COL4A2: variants seen among roughly 807,000 people sequenced by gnomAD.
The protein encoded by COL4A2 is collagen alpha-2(IV) chain.
A neutral mutation model predicts 200.2 loss-of-function variants in COL4A2; 99 were observed. The observed-to-expected ratio is 0.49, with a 90% CI of 0.42 to 0.58. COL4A2 has a LOEUF of 0.58. Ranked by LOEUF, COL4A2 falls within the 20% of genes least tolerant of loss-of-function variation. The pLI, the probability that COL4A2 is intolerant of heterozygous loss-of-function variation, is 0.00. For synonymous variants in COL4A2, 897 were observed against 900.6 expected, an observed-to-expected ratio of 1.00 and a Z score of 0.07; for missense variants, 1,950 against 2,314.1, an observed-to-expected ratio of 0.84 and a Z score of 3.23.
chr13:110,427,112 A>G (rs369324324), intron 6 of COL4A2, among the ~76,000 whole-genome samples: 2 of 152,178 alleles, frequency 1.3e-5, no homozygotes, highest in African/African-American at 4.8e-5. Context: ...ACGGAGAACT[A>G]TATGTAGGAT....
intron 4 of COL4A2, among the ~76,000 whole-genome samples, chr13:110,396,593 T>C (rs1392293075): frequency 1.3e-5 from 2 of 152,338 alleles, no homozygotes; most frequent in African/African-American, 4.8e-5. Context: ...ACATGCCTTC[T>C]TGGCCCTTTG....
At chr13:110,365,211 G>A (rs973817198) in intron 4 of COL4A2, among the ~76,000 whole-genome samples, 2 of 151,956 alleles carry the variant, frequency 1.3e-5, no homozygotes, top group East Asian at 3.9e-4. Context: ...GCGCCACCTC[G>A]GGTCACTGCA....
intron 4 of COL4A2, among the ~76,000 whole-genome samples, chr13:110,403,008 C>T (rs1318935043): frequency 6.6e-6 from 1 of 152,222 alleles, no homozygotes; most frequent in African/African-American, 2.4e-5. Flanking sequence ...TTGCAGGGAG[C>T]AGAGACTTGA....
At chr13:110,409,290 C>G (rs369813415) in intron 4 of COL4A2, among the ~76,000 whole-genome samples, 5 of 152,216 alleles carry the variant, frequency 3.3e-5, no homozygotes, top group South Asian at 2.1e-4. Flanking sequence ...TATTACGAAG[C>G]TGACCACCCA....
intron 3 of COL4A2, among the ~76,000 whole-genome samples, chr13:110,342,032 G>A (rs1876477382): frequency 6.6e-6 from 1 of 152,186 alleles, no homozygotes; most frequent in Non-Finnish European, 1.5e-5. Flanking sequence ...TCATAGTGAC[G>A]AACAGAGAAT....
chr13:110,384,526 A>G (rs1878608472), intron 4 of COL4A2, among the ~76,000 whole-genome samples: 1 of 152,104 alleles, frequency 6.6e-6, no homozygotes, highest in Non-Finnish European at 1.5e-5. Flanking sequence ...CTCCTCCAAC[A>G]AGGCCACCGT....
At chr13:110,361,717 C>T (rs901312813) in intron 4 of COL4A2, among the ~76,000 whole-genome samples, 4 of 152,202 alleles carry the variant, frequency 2.6e-5, no homozygotes, top group Admixed American at 2.0e-4. Flanking sequence ...ACTCTCCCAG[C>T]AGGGAGAGAA....
chr13:110,436,966 G>A lies in COL4A2; in HGVS notation c.825+599G>A, dbSNP rs541684527. 2.6e-4 allele frequency among the ~76,000 whole-genome samples: 39 copies of A among 152,286 alleles called. No homozygotes were observed. In the East Asian group the frequency reaches 7.3e-3, roughly 29 times the overall value. On this transcript the variant is annotated intron_variant, in intron 13 of 47. Transcript: ENST00000360467. ...CTGTTCCCCCTGTCAAATGGGGATG[G>A]CGACACTGACCTCCTGGAGCTGACG...
At chr13:110,438,808 C>T (rs968490017) in intron 15 of COL4A2, 140 bp downstream of exon 15, 21 of 603,618 alleles carry the variant, frequency 3.5e-5, no homozygotes, top group Non-Finnish European at 5.9e-5. Flanking sequence ...CCCCACCCCC[C>T]CCCACACACA....
In COL4A2 at chr13:110,414,767, G is replaced by T. The variant is rs184039614; in HGVS notation, c.181-9967G>T. Among the ~76,000 whole-genome samples the T allele has an allele frequency of 2.8e-3, 429 of 152,352 alleles. 6 individuals carry two copies. The highest frequency in any genetic ancestry group is 4.3e-4 in the Non-Finnish European group (29 of 68,030). ...ACTGTCTATAATCTGTAAGACTCTT[G>T]CTAGGGAATGAGGCTTGTGTTTGCG... On this transcript the variant is annotated intron_variant, in intron 4 of 47. Coordinates refer to ENST00000360467, the MANE Select transcript of COL4A2 (RefSeq NM_001846.4).
chr13:110,485,112 A>T (rs967083427), intron 33 of COL4A2, 85 bp downstream of exon 33: 23 of 1,242,490 alleles, frequency 1.9e-5, no homozygotes, highest in Non-Finnish European at 2.3e-5. Context: ...GTCCCCAGAG[A>T]CGCCCGTGCC....
intron 28 of COL4A2, among the ~76,000 whole-genome samples, chr13:110,471,352 G>GAGGCTGGGGC (rs1204460317): frequency 5.0e-4 from 76 of 152,228 alleles, no homozygotes; most frequent in Non-Finnish European, 5.0e-4. Flanking sequence ...CATGAACAGG[G>GAGGCTGGGGC]AGGCTGGGGC....
chr13:110,496,253 G>A (rs1022510457), intron 40 of COL4A2, among the ~76,000 whole-genome samples: 2 of 152,252 alleles, frequency 1.3e-5, no homozygotes, highest in African/African-American at 4.8e-5. Flanking sequence ...CCACAGGAGA[G>A]GAAGTCAGGA....
Position 110,507,945 on chromosome 13 carries a change from C to T in COL4A2, c.4605C>T (p.Gly1535=), listed in dbSNP as rs1883944787. 1 of 1,613,570 alleles carries T rather than the reference C, an allele frequency of 6.2e-7. No homozygotes were observed. Among genetic ancestry groups the T allele is most frequent in the East Asian group, 2.2e-5 (1 of 44,862 alleles). ...KAHNQDLGLA[G]SCLARFSTMP... ...CCCCTCCTTCCACAGGGCTGGCGGGCTCCTGCCTGGCGCGGTTCAGCACCA... is the reference window on the plus strand; with the variant it reads ...CCCCTCCTTCCACAGGGCTGGCGGGTTCCTGCCTGGCGCGGTTCAGCACCA... Residue 1535 remains glycine (G), a synonymous_variant, in exon 47 of 48, where the codon GGC becomes GGT. Coordinates refer to ENST00000360467, the MANE Select transcript of COL4A2 (RefSeq NM_001846.4).
intron 33 of COL4A2, among the ~76,000 whole-genome samples, chr13:110,485,311 G>C (rs965167093): frequency 5.3e-5 from 8 of 152,134 alleles, no homozygotes; most frequent in East Asian, 3.9e-4. Context: ...ATCACAAGGT[G>C]AGGAGATCAA....
intron 4 of COL4A2, among the ~76,000 whole-genome samples, chr13:110,392,998 G>C (rs371328846): frequency 4.6e-5 from 7 of 152,172 alleles, no homozygotes; most frequent in African/African-American, 1.7e-4. Context: ...AGCCTGGAGC[G>C]AGAACTCACA....
At chr13:110,468,051 A>C in intron 27 of COL4A2, 1 of 429,994 alleles carries the variant, frequency 2.3e-6, no homozygotes, top group South Asian at 1.7e-5. Flanking sequence ...CTGCTGCACA[A>C]ATCATGCCCT....
intron 3 of COL4A2, 32 bp from the exon 4 acceptor site, chr13:110,357,440 A>G (rs899334858): frequency 6.4e-7 from 1 of 1,562,566 alleles, no homozygotes; most frequent in Non-Finnish European, 8.7e-7. Flanking sequence ...TGTTTAGGTA[A>G]CTTTTCTTTG....
At chr13:110,347,841 G>A (rs4771670) in intron 3 of COL4A2, among the ~76,000 whole-genome samples, 135,446 of 152,320 alleles carry the variant, frequency 0.89, 61,977 homozygotes, top group Non-Finnish European at 0.99. Flanking sequence ...GTCATTGCTC[G>A]TTAAAATGTA....
Sources: gnomAD v4.1 joint callset for allele counts (sites outside exome capture counted in the v4.1 genomes callset) on GRCh38, gnomAD v4.1.1 for gene constraint, MANE v1.5 for transcripts, NCBI Gene and HGNC (gene_info 2026-07-23, HGNC 2026-07-21) for gene names.